The following OSMR variants were observed in gnomAD, a reference collection of about 807,000 sequenced individuals.
The protein encoded by OSMR is oncostatin-M-specific receptor subunit beta.
In OSMR, 81 loss-of-function variants were observed where a neutral mutation model predicts 99.9. That is an observed-to-expected ratio of 0.81 (90% confidence interval 0.68 to 0.97). The LOEUF is 0.97. Among genes scored for constraint, OSMR ranks in the 50% least tolerant of loss-of-function variants. The pLI is 0.00. For synonymous variants in OSMR, 406 were observed against 410.4 expected (o/e 0.99, Z 0.13); for missense variants, 1,099 against 1,153.4 (o/e 0.95, Z 0.68).
chr5:38,879,481 C>T (rs1004044333), intron 3 of OSMR, among the ~76,000 whole-genome samples: 17 of 152,048 alleles, frequency 1.1e-4, no homozygotes, highest in African/African-American at 4.1e-4. Flanking sequence ...AGCGGAGATG[C>T]GGGTAAGAGA....
intron 3 of OSMR, among the ~76,000 whole-genome samples, chr5:38,879,439 C>T (rs904819569): frequency 1.3e-5 from 2 of 152,148 alleles, no homozygotes; most frequent in African/African-American, 4.8e-5. Flanking sequence ...GGATGTGTGG[C>T]CGCTAGGAAG....
intron 1 of OSMR, chr5:38,941,511 C>T (rs948247069): frequency 3.5e-5 from 8 of 231,056 alleles, no homozygotes; most frequent in Admixed American, 1.7e-4. Context: ...AGTGGAAGTC[C>T]ATTGCAAATA....
At chr5:38,871,530 A>G (rs1742390000) in intron 2 of OSMR, among the ~76,000 whole-genome samples, 1 of 152,232 alleles carries the variant, frequency 6.6e-6, no homozygotes, top group African/African-American at 2.4e-5. Context: ...AGCCAGATAC[A>G]GATCTGAAGA....
intron 9 of OSMR, among the ~76,000 whole-genome samples, chr5:38,915,865 A>T (rs766282939): frequency 2.6e-5 from 4 of 152,210 alleles, no homozygotes; most frequent in Non-Finnish European, 4.4e-5. Context: ...TAAAAATGAG[A>T]TGTGCTGTTA....
At chr5:38,940,544 T>C (rs1561427162), downstream of OSMR, 1 of 232,546 alleles carries the variant, frequency 4.3e-6, no homozygotes, top group East Asian at 6.1e-5. Context: ...GGTTCAGTGA[T>C]AAAGTATAAA....
chr5:38,933,075 G>C lies in OSMR; in HGVS notation c.2571G>C (p.Glu857Asp), dbSNP rs1746846938. Residue 857 changes from glutamate to aspartate, a missense_variant, in exon 18 of 18, where the codon GAG becomes GAC. Coordinates refer to ENST00000274276, the MANE Select transcript of OSMR (RefSeq NM_003999.3). ...HSGPGPCICF[E>D]NLTYNQAASD... is the part of the protein sequence containing the mutation. ...GCCCTGGCCCCTGCATCTGTTTTGAGAACTTGACCTATAACCAGGCAGCTT... is the reference window on the plus strand; with the variant it reads ...GCCCTGGCCCCTGCATCTGTTTTGACAACTTGACCTATAACCAGGCAGCTT... 4 of 1,614,140 alleles carry C rather than the reference G, an allele frequency of 2.5e-6. No individual in the cohort carries two copies. Among genetic ancestry groups the C allele is most frequent in the African/African-American group, 2.7e-5 (2 of 75,040 alleles).
intron 1 of OSMR, among the ~76,000 whole-genome samples, chr5:38,857,915 A>G (rs1388040864): frequency 6.6e-6 from 1 of 151,382 alleles, no homozygotes; most frequent in Non-Finnish European, 1.5e-5. Context: ...TGATCCTCCC[A>G]CCTCAGCCTC....
At position 38,935,268 on chromosome 5, in the gene OSMR, T is replaced by TGAA. The variant is rs1746962521; in HGVS notation, c.*1827_*1829dup. The TGAA allele has an allele frequency of 6.6e-6, 1 of 151,604 alleles. No homozygotes were observed. The highest frequency in any genetic ancestry group is 3.4e-3 in the Middle Eastern group (1 of 296). 9.4% of individuals were successfully genotyped at this position (151,604 alleles called of 1,614,324 possible). A position where few individuals can be genotyped will look rare whatever the true frequency, so the allele number is the denominator to read the frequency against. ...CCTTGCACTGTGCCATTCAACACTA[T>TGAA]GAAGAGAAACAAGTAGCCACACCTC... On this transcript the variant is annotated 3_prime_UTR_variant, in exon 18 of 18. Coordinates refer to ENST00000274276, the MANE Select transcript of OSMR (RefSeq NM_003999.3).
intron 1 of OSMR, among the ~76,000 whole-genome samples, chr5:38,847,347 C>T (rs1739930434): frequency 6.6e-6 from 1 of 152,040 alleles, no homozygotes; most frequent in Non-Finnish European, 1.5e-5. Context: ...ACGGGTGAGG[C>T]GGGTACTAGT....
chr5:38,852,657 C>G (rs11739222), intron 1 of OSMR, among the ~76,000 whole-genome samples: 6 of 141,232 alleles, frequency 4.2e-5, no homozygotes, highest in South Asian at 2.3e-4. Flanking sequence ...TTACTTATTT[C>G]TAAGAACTCT....
rs763192266 is a variant in OSMR at position 38,924,609 on chromosome 5, T to C, written c.2044+14T>C. On this transcript the variant is annotated intron_variant, in intron 14 of 17. Transcript: ENST00000274276. ...CAGTTCTTTCAGGTGACATCTATTT[T>C]TAATTTGTTTATTTATTCTTTCAAG... 6 of 1,565,986 alleles carry C rather than the reference T, an allele frequency of 3.8e-6. No individual in the cohort carries two copies. Among genetic ancestry groups the C allele is most frequent in the Non-Finnish European group, 5.3e-6 (6 of 1,136,312 alleles).
At position 38,912,298 on chromosome 5, in the gene OSMR, C is replaced by G. The variant is rs74767279; in HGVS notation, c.1286-5248C>G. ...ACACCAATAAGATTCAAGCTGAGAC[C>G]CAAGTCAAGAACGCAATCCTACTTT... On this transcript the variant is annotated intron_variant, in intron 9 of 17. Coordinates refer to ENST00000274276, the MANE Select transcript of OSMR (RefSeq NM_003999.3). Among the ~76,000 whole-genome samples, 63 of 152,020 alleles carry G rather than the reference C, an allele frequency of 4.1e-4. No homozygotes were observed. In the East Asian group the frequency reaches 9.3e-3, roughly 22 times the overall value.
intron 9 of OSMR, among the ~76,000 whole-genome samples, chr5:38,908,931 A>G (rs1441763993): frequency 6.6e-6 from 1 of 152,224 alleles, no homozygotes; most frequent in African/African-American, 2.4e-5. Flanking sequence ...CCTGTTCAAA[A>G]TGACAGAATT....
intron 15 of OSMR, among the ~76,000 whole-genome samples, chr5:38,930,920 TTGTGTGTGTGTGTGTG>T (rs55964556): frequency 1.7e-3 from 248 of 141,958 alleles, no homozygotes; most frequent in East Asian, 0.013. Context: ...CAGAAGCATT[TTGTGTGTGTGTGTGTG>T]TGTGTGTGTG....
intron 9 of OSMR, among the ~76,000 whole-genome samples, chr5:38,909,546 G>C (rs116455401): frequency 0.038 from 5,760 of 152,274 alleles, 134 homozygotes; most frequent in South Asian, 0.091. Flanking sequence ...CATCAGAAAT[G>C]CTACAAGCCA....
Position 38,920,180 on chromosome 5 carries a change from G to A in OSMR, c.1585+1118G>A, listed in dbSNP as rs551215174. Among the ~76,000 whole-genome samples the A allele has an allele frequency of 4.4e-4, 67 of 152,194 alleles. 1 individual carries two copies. Among genetic ancestry groups the A allele is most frequent in the Non-Finnish European group, 9.1e-4 (62 of 68,008 alleles). ...GTCTCCTACCACACCCTCCATCCCCGTGCCCTGCCTTCAGATGCCTAGACC... is the reference window on the plus strand; with the variant it reads ...GTCTCCTACCACACCCTCCATCCCCATGCCCTGCCTTCAGATGCCTAGACC... On this transcript the variant is annotated intron_variant, in intron 11 of 17. Transcript: ENST00000274276.
At chr5:38,873,065 A>G (rs1742518748) in intron 2 of OSMR, among the ~76,000 whole-genome samples, 1 of 152,234 alleles carries the variant, frequency 6.6e-6, no homozygotes, top group Non-Finnish European at 1.5e-5. Flanking sequence ...TTACCCCAGA[A>G]AGGAAACCAC....
At chr5:38,911,717 A>G (rs1161118764) in intron 9 of OSMR, among the ~76,000 whole-genome samples, 1 of 152,168 alleles carries the variant, frequency 6.6e-6, no homozygotes, top group Non-Finnish European at 1.5e-5. Flanking sequence ...ATCCACCACA[A>G]TCAAGTAAGC....
chr5:38,893,945 C>A (rs1046139062), intron 7 of OSMR, among the ~76,000 whole-genome samples: 10 of 152,110 alleles, frequency 6.6e-5, no homozygotes, highest in African/African-American at 2.4e-4. Context: ...AGATCACATA[C>A]AAAGGGACCC....
Sources: gnomAD v4.1 joint callset for allele counts (sites outside exome capture counted in the v4.1 genomes callset) on GRCh38, gnomAD v4.1.1 for gene constraint, MANE v1.5 for transcripts, NCBI Gene and HGNC (gene_info 2026-07-23, HGNC 2026-07-21) for gene names.